TOX3: variants seen among roughly 807,000 people sequenced by gnomAD.
TOX3 encodes the protein CAG trinucleotide repeat-containing gene F9 protein.
TOX3 carries 22 observed loss-of-function variants against 64.3 expected under a neutral mutation model. The ratio of observed to expected loss-of-function variants is 0.34; its 90% CI spans 0.24 to 0.49. TOX3 has a LOEUF of 0.49. TOX3 is among the 20% of genes least tolerant of loss of function. The probability of loss-of-function intolerance (pLI) is 0.99; values close to 1 mark genes in which losing one functional copy is unlikely to be tolerated. For missense variants in TOX3, 661 were observed against 714.4 expected (o/e 0.93, Z 0.85); for synonymous variants, 291 against 273.6 (o/e 1.06, Z -0.63).
In TOX3 at chr16:52,474,616, CA is replaced by C. The variant is rs1213436621; in HGVS notation, c.88-6043del. ...AGGGTGACAAAGTGAGACCCTGTCT[CA>C]AAAAAAAAAAGAAGAAAGAGGAAAG... On this transcript the variant is annotated intron_variant, in intron 1 of 6. Coordinates refer to ENST00000219746, the MANE Select transcript of TOX3 (RefSeq NM_001080430.4). Among the ~76,000 whole-genome samples, 843 of 109,322 alleles carry C rather than the reference CA, an allele frequency of 7.7e-3. 6 individuals are homozygous for C. The highest frequency in any genetic ancestry group is 0.024 in the African/African-American group (705 of 29,130). 71.7% of individuals were successfully genotyped at this position (109,322 alleles called of 152,430 possible). A position where few individuals can be genotyped will look rare whatever the true frequency, so the allele number is the denominator to read the frequency against.
At chr16:52,453,431 G>T (rs1960417985) in intron 3 of TOX3, among the ~76,000 whole-genome samples, 1 of 152,088 alleles carries the variant, frequency 6.6e-6, no homozygotes, top group Admixed American at 6.6e-5. Context: ...TGATCTGCCA[G>T]CCTCGGCCTC....
intron 1 of TOX3, among the ~76,000 whole-genome samples, chr16:52,512,529 G>T (rs1409621986): frequency 6.6e-6 from 1 of 152,206 alleles, no homozygotes; most frequent in African/African-American, 2.4e-5. Flanking sequence ...TGCTTAAGAT[G>T]CAGTTAGTGA....
At chr16:52,507,389 C>A (rs1236810420) in intron 1 of TOX3, among the ~76,000 whole-genome samples, 2 of 152,114 alleles carry the variant, frequency 1.3e-5, no homozygotes, top group Admixed American at 1.3e-4. Context: ...GAGAGTGAGA[C>A]CCCATCTCCA....
At chr16:52,492,948 T>C (rs1596823729) in intron 1 of TOX3, among the ~76,000 whole-genome samples, 2 of 149,890 alleles carry the variant, frequency 1.3e-5, no homozygotes, top group South Asian at 4.2e-4. Flanking sequence ...AACAGTCAGA[T>C]CAAAAGACTT....
intron 1 of TOX3, among the ~76,000 whole-genome samples, chr16:52,515,713 A>G (rs1962435351): frequency 6.6e-6 from 1 of 152,220 alleles, no homozygotes. Context: ...TCTAAATTAG[A>G]AGCAGGTAAA....
intron 1 of TOX3, among the ~76,000 whole-genome samples, chr16:52,544,752 C>T (rs1208646713): frequency 6.6e-6 from 1 of 152,160 alleles, no homozygotes; most frequent in Non-Finnish European, 1.5e-5. Context: ...TAGCCTTTCT[C>T]AGAAAATAAA....
chr16:52,537,596 G>T (rs761394054), intron 1 of TOX3, among the ~76,000 whole-genome samples: 11 of 152,048 alleles, frequency 7.2e-5, no homozygotes, highest in Non-Finnish European at 1.5e-4. Flanking sequence ...CTCTCATTGT[G>T]ACATCAGCAC....
chr16:52,466,909 G>A (rs1485975242), intron 2 of TOX3, among the ~76,000 whole-genome samples: 1 of 152,048 alleles, frequency 6.6e-6, no homozygotes, highest in Non-Finnish European at 1.5e-5. Flanking sequence ...AACCACATAT[G>A]GCATCAACAA....
intron 1 of TOX3, among the ~76,000 whole-genome samples, chr16:52,504,260 A>C (rs1486134981): frequency 6.6e-6 from 1 of 151,936 alleles, no homozygotes; most frequent in Non-Finnish European, 1.5e-5. Context: ...AGGTCAGGAG[A>C]TCGAGACCAT....
intron 1 of TOX3, among the ~76,000 whole-genome samples, chr16:52,496,899 T>C (rs1012641270): frequency 2.3e-5 from 3 of 128,788 alleles, no homozygotes; most frequent in Non-Finnish European, 3.1e-5. Context: ...TTTATACCTA[T>C]GTTATTTATT....
intron 1 of TOX3, among the ~76,000 whole-genome samples, chr16:52,536,702 T>C (rs1311483328): frequency 1.4e-5 from 2 of 141,114 alleles, no homozygotes; most frequent in Non-Finnish European, 3.1e-5. Flanking sequence ...GAACAAGATA[T>C]ATTTCTCACT....
intron 1 of TOX3, among the ~76,000 whole-genome samples, chr16:52,473,053 C>G (rs1184149988): frequency 6.6e-6 from 1 of 152,110 alleles, no homozygotes; most frequent in Non-Finnish European, 1.5e-5. Flanking sequence ...TAAAAAGGAG[C>G]ACCGCAGGAT....
chr16:52,459,819 T>G (rs538799620), intron 3 of TOX3, among the ~76,000 whole-genome samples: 1 of 152,288 alleles, frequency 6.6e-6, no homozygotes, highest in East Asian at 1.9e-4. Context: ...AACGTAAGAT[T>G]TTTTTAAGTA....
rs140418943 is a variant in TOX3 at position 52,511,749 on chromosome 16, GGCAGCAATA to G, written c.87+34879_87+34887del. Among the ~76,000 whole-genome samples, 15 of 152,278 alleles carry G rather than the reference GGCAGCAATA, an allele frequency of 9.9e-5. No homozygotes were observed. In the East Asian group the frequency reaches 2.9e-3, roughly 29 times the overall value. On this transcript the variant is annotated intron_variant, in intron 1 of 6. Transcript: ENST00000219746. The stretch of plus-strand genomic sequence containing the variant: ...AAAGTAGGAATATACCATGAAAGAT[GGCAGCAATA>G]GTTTGAAGAGTGAGTCAGAAAACAA...
chr16:52,439,725 T>G lies in TOX3; in HGVS notation c.1231A>C (p.Ile411Leu), dbSNP rs748687119. 1 of 1,613,986 alleles carries G rather than the reference T, an allele frequency of 6.2e-7. No individual in the cohort carries two copies. Among genetic ancestry groups the G allele is most frequent in the Non-Finnish European group, 8.5e-7 (1 of 1,179,888 alleles). The stretch of plus-strand genomic sequence containing the variant: ...ATGGAGCTTATCAGTGGAGCCCCAA[T>G]GTTCGAGGGCATGTTGGCTGCAATG... ...VTIAANMPSN[I>L]GAPLISSMGT... The change falls in exon 7 of 7, where the codon ATT (isoleucine) becomes CTT (leucine). Residue 411 changes from isoleucine (I) to leucine (L), a missense_variant. By Grantham distance (5) the Ile-to-Leu change is conservative. This residue lies in a region of TOX3 where 299 missense variants were observed against 292.1 expected (regional missense o/e 1.02). Transcript: ENST00000219746.
chr16:52,514,868 G>A (rs1004236906), intron 1 of TOX3, among the ~76,000 whole-genome samples: 12 of 151,792 alleles, frequency 7.9e-5, no homozygotes, highest in African/African-American at 2.2e-4. Context: ...AAAATCAGCC[G>A]GGCATGGTGG....
chr16:52,499,409 G>A lies in TOX3; in HGVS notation c.88-30835C>T, dbSNP rs144702148. On this transcript the variant is annotated intron_variant, in intron 1 of 6. Coordinates refer to ENST00000219746, the MANE Select transcript of TOX3 (RefSeq NM_001080430.4). ...TTAACTAAAGCTGTGTTTGAGTATA[G>A]TATTAAGGCAAGATTCACTGATTCA... Among the ~76,000 whole-genome samples the A allele has an allele frequency of 3.7e-3, 565 of 152,296 alleles. 1 individual carries two copies. The highest frequency in any genetic ancestry group is 0.013 in the African/African-American group (537 of 41,550).
At chr16:52,512,051 T>TC (rs1329307510) in intron 1 of TOX3, among the ~76,000 whole-genome samples, 1 of 152,166 alleles carries the variant, frequency 6.6e-6, no homozygotes, top group Non-Finnish European at 1.5e-5. Flanking sequence ...CATATCTGCC[T>TC]CCCAGGGTAA....
intron 1 of TOX3, among the ~76,000 whole-genome samples, chr16:52,489,622 A>G (rs922984926): frequency 6.6e-6 from 1 of 152,128 alleles, no homozygotes; most frequent in Non-Finnish European, 1.5e-5. Flanking sequence ...TCATGTCCCA[A>G]TGCATCAACC....
Sources: gnomAD v4.1 joint callset for allele counts (sites outside exome capture counted in the v4.1 genomes callset) on GRCh38, gnomAD v4.1.1 for gene constraint, gnomAD v4.1.1 regional missense constraint, MANE v1.5 for transcripts, NCBI Gene and HGNC (gene_info 2026-07-23, HGNC 2026-07-21) for gene names.